TNFRSF8: variants seen among roughly 807,000 people sequenced by gnomAD.
The protein encoded by TNFRSF8 is TNF receptor superfamily member 8.
A neutral mutation model predicts 70.8 loss-of-function variants in TNFRSF8; 26 were observed. The ratio of observed to expected loss-of-function variants is 0.37; its 90% confidence interval spans 0.27 to 0.51. The LOEUF (loss-of-function observed/expected upper bound fraction) is 0.51, where lower values mean the gene tolerates loss of function less well. TNFRSF8 is among the 20% of genes least tolerant of loss of function. TNFRSF8 has a pLI of 0.94. For synonymous variants in TNFRSF8, 356 were observed against 339.2 expected (o/e 1.05, Z -0.54); for missense variants, 720 against 807.9 (o/e 0.89, Z 1.32).
intron 14 of TNFRSF8, among the ~76,000 whole-genome samples, chr1:12,139,058 A>G (rs1391086929): frequency 6.6e-6 from 1 of 152,172 alleles, no homozygotes; most frequent in Non-Finnish European, 1.5e-5. Context: ...GCCAGCCTGG[A>G]CAGACATTGG....
chr1:12,078,488 C>T (rs966906085), intron 1 of TNFRSF8, among the ~76,000 whole-genome samples: 4 of 152,070 alleles, frequency 2.6e-5, no homozygotes, highest in Admixed American at 6.6e-5. Flanking sequence ...TGCTTGAACG[C>T]GAGAGGTAGA....
chr1:12,137,896 G>A (rs1010285433), intron 13 of TNFRSF8, among the ~76,000 whole-genome samples: 3 of 152,090 alleles, frequency 2.0e-5, no homozygotes, highest in African/African-American at 7.2e-5. Context: ...CTGTGCCTCA[G>A]TTTCCTCATC....
chr1:12,141,637 G>A lies in TNFRSF8; in HGVS notation c.1544-650G>A, dbSNP rs1490078453. 3.3e-5 allele frequency among the ~76,000 whole-genome samples: 5 copies of A among 152,328 alleles called. No individual in the cohort carries two copies. Among genetic ancestry groups the A allele is most frequent in the East Asian group, 1.9e-4 (1 of 5,184 alleles). On this transcript the variant is annotated intron_variant, in intron 14 of 14. Transcript: ENST00000263932. This position sits in a 1 kb window ranked among gnomAD's most constrained non-coding sequence, Gnocchi z 5.4. ...TGTGACAGGCTGGCTGAGTTTGCCCGGACCGAGGGGACTCCCAGGACACGG... is the reference window on the plus strand; with the variant it reads ...TGTGACAGGCTGGCTGAGTTTGCCCAGACCGAGGGGACTCCCAGGACACGG...
chr1:12,114,697 T>TTC (rs1641696206), intron 7 of TNFRSF8, among the ~76,000 whole-genome samples: 1 of 59,880 alleles, frequency 1.7e-5, no homozygotes. Flanking sequence ...AAAAAATCTT[T>TTC]TTTTTTTTTT....
At chr1:12,079,749 C>T (rs987889291) in intron 1 of TNFRSF8, among the ~76,000 whole-genome samples, 6 of 152,186 alleles carry the variant, frequency 3.9e-5, no homozygotes, top group East Asian at 1.9e-4. Flanking sequence ...ACAGCCCCTC[C>T]GCACAGCAAG....
chr1:12,119,112 C>T lies in TNFRSF8; in HGVS notation c.946+3383C>T, dbSNP rs1641785870. The stretch of plus-strand genomic sequence containing the variant: ...ACTCCTGACCTGGTGATCCGCCTGC[C>T]TCGGCCTCGCAAAAGTGCTGGGATT... On this transcript the variant is annotated intron_variant, in intron 8 of 14. Transcript: ENST00000263932. The surrounding 1 kb of genome is among the most constrained non-coding windows in gnomAD (Gnocchi z 4.4). 6.6e-6 allele frequency among the ~76,000 whole-genome samples: 1 copy of T among 152,234 alleles called. No individual in the cohort carries two copies. The highest frequency in any genetic ancestry group is 1.5e-5 in the Non-Finnish European group (1 of 68,044).
chr1:12,123,052 C>T (rs983673768), intron 8 of TNFRSF8, among the ~76,000 whole-genome samples: 1 of 152,190 alleles, frequency 6.6e-6, no homozygotes, highest in Non-Finnish European at 1.5e-5. Context: ...TGGTCTCGAA[C>T]TCCTGACCTC....
At chr1:12,105,916 G>A (rs1282492239) in intron 4 of TNFRSF8, among the ~76,000 whole-genome samples, 3 of 146,454 alleles carry the variant, frequency 2.0e-5, no homozygotes, top group Non-Finnish European at 3.0e-5. Flanking sequence ...TCCAGCCTGG[G>A]TGACAAGAGC....
intron 10 of TNFRSF8, 104 bp from the exon 11 acceptor site, chr1:12,125,847 A>G (rs1458593063): frequency 1.0e-5 from 9 of 893,104 alleles, no homozygotes; most frequent in South Asian, 7.9e-5. Context: ...GTTGTTAGCC[A>G]TGATGGAAGC....
chr1:12,138,780 C>A lies in TNFRSF8; in HGVS notation c.1543+344C>A, dbSNP rs148020646. Among the ~76,000 whole-genome samples the A allele has an allele frequency of 1.9e-4, 29 of 152,342 alleles. No homozygotes were observed. Among genetic ancestry groups the A allele is most frequent in the Non-Finnish European group, 3.7e-4 (25 of 68,034 alleles). On this transcript the variant is annotated intron_variant, in intron 14 of 14. Coordinates refer to ENST00000263932, the MANE Select transcript of TNFRSF8 (RefSeq NM_001243.5). The surrounding 1 kb of genome is among the most constrained non-coding windows in gnomAD (Gnocchi z 5.7). ...TGCCACTTGTCTGGCGCATTCCGGG[C>A]ACTGTGTAGGTGCCATCTCTTCATC...
At chr1:12,080,648 C>T (rs1228240151) in intron 1 of TNFRSF8, 1 of 250,362 alleles carries the variant, frequency 4.0e-6, no homozygotes, top group Non-Finnish European at 7.9e-6. Context: ...GCCTCCACCT[C>T]CCAGATTCAA....
rs554258838 is a variant in TNFRSF8 at position 12,067,020 on chromosome 1, G to A, written c.63+3359G>A. Among the ~76,000 whole-genome samples, 5 of 152,330 alleles carry A rather than the reference G, an allele frequency of 3.3e-5. No homozygotes were observed. In the South Asian group the frequency reaches 1.0e-3, roughly 32 times the overall value. The stretch of plus-strand genomic sequence containing the variant: ...CATCATTTTTCGCCTGGTATTCTGA[G>A]GCAGGAATGCTTTCTTGCTAGCTGG... On this transcript the variant is annotated intron_variant, in intron 1 of 14. Transcript: ENST00000263932.
chr1:12,068,226 G>C (rs1166237889), intron 1 of TNFRSF8, among the ~76,000 whole-genome samples: 1 of 152,076 alleles, frequency 6.6e-6, no homozygotes, highest in Non-Finnish European at 1.5e-5. Context: ...TGGCCCGGGG[G>C]AGTCCTGGAG....
intron 12 of TNFRSF8, among the ~76,000 whole-genome samples, chr1:12,132,280 G>A (rs1210882131): frequency 6.6e-6 from 1 of 152,218 alleles, no homozygotes; most frequent in Non-Finnish European, 1.5e-5. Context: ...GGGTTCCCTT[G>A]CATTGCCTAA....
chr1:12,080,622 T>A, intron 1 of TNFRSF8: 2 of 291,612 alleles, frequency 6.9e-6, no homozygotes, highest in South Asian at 3.2e-5. Flanking sequence ...CAATGGTGCG[T>A]TCTTGGCTCA....
intron 7 of TNFRSF8, among the ~76,000 whole-genome samples, chr1:12,115,155 T>C (rs966103382): frequency 6.6e-5 from 10 of 152,194 alleles, no homozygotes; most frequent in Non-Finnish European, 1.3e-4. Flanking sequence ...CCCCGTCCCC[T>C]GGAGGACTTT....
rs925563606 is a variant in TNFRSF8 at position 12,067,912 on chromosome 1, G to T, written c.63+4251G>T. On this transcript the variant is annotated intron_variant, in intron 1 of 14. Transcript: ENST00000263932. ...AAGGACGGCGGGGGGGCGGGGGGGG[G>T]ACCTGGAGAGGAGGGGACCCTGAAG... Among the ~76,000 whole-genome samples the T allele has an allele frequency of 1.8e-3, 236 of 130,240 alleles. 8 individuals carry two copies. In the South Asian group the frequency reaches 0.064, roughly 35 times the overall value. 85.4% of individuals were successfully genotyped at this position (130,240 alleles called of 152,430 possible).
At position 12,108,080 on chromosome 1, in the gene TNFRSF8, TTA is replaced by T. The variant is rs1218322104; in HGVS notation, c.422-1484_422-1483del. ...CCCACACATACAGGCCACCATTTTT[TTA>T]TTTTTTTTTTTTTTGTGATGGAGCC... On this transcript the variant is annotated intron_variant, in intron 4 of 14. Coordinates refer to ENST00000263932, the MANE Select transcript of TNFRSF8 (RefSeq NM_001243.5). The surrounding 1 kb of genome is among the most constrained non-coding windows in gnomAD (Gnocchi z 4.0). Among the ~76,000 whole-genome samples the T allele has an allele frequency of 6.6e-6, 1 of 151,236 alleles. No homozygotes were observed. The highest frequency in any genetic ancestry group is 1.9e-4 in the East Asian group (1 of 5,152).
At position 12,113,328 on chromosome 1, in the gene TNFRSF8, CTCTTTTTT is replaced by C. The variant is rs1288865853; in HGVS notation, c.793+1324_793+1331del. On this transcript the variant is annotated intron_variant, in intron 7 of 14. Transcript: ENST00000263932. The surrounding 1 kb of genome is among the most constrained non-coding windows in gnomAD (Gnocchi z 4.9). The stretch of plus-strand genomic sequence containing the variant: ...TAGGTTCTAAAGGCGAAGTCTTTTT[CTCTTTTTT>C]TCTTTTTTTGTATTTTTAGTAGAGA... 6.6e-6 allele frequency among the ~76,000 whole-genome samples: 1 copy of C among 152,186 alleles called. No individual in the cohort carries two copies. The highest frequency in any genetic ancestry group is 1.5e-5 in the Non-Finnish European group (1 of 68,024).
Sources: gnomAD v4.1 joint callset for allele counts (sites outside exome capture counted in the v4.1 genomes callset) on GRCh38, gnomAD v4.1.1 for gene constraint, Gnocchi (gnomAD v3.1) non-coding constraint, MANE v1.5 for transcripts, NCBI Gene and HGNC (gene_info 2026-07-23, HGNC 2026-07-21) for gene names.